TMED3: variants seen among roughly 807,000 people sequenced by gnomAD.
TMED3 encodes transmembrane p24 trafficking protein 3.
Under a neutral mutation model 15.0 loss-of-function variants are expected in TMED3, and 9 were observed. The ratio of observed to expected loss-of-function variants is 0.60; its 90% CI spans 0.36 to 1.04. TMED3 has a LOEUF of 1.04. TMED3 is among the 50% of genes least tolerant of loss of function. The probability of loss-of-function intolerance (pLI) is 0.01; values close to 1 mark genes in which losing one functional copy is unlikely to be tolerated. For missense variants in TMED3, 267 were observed against 278.9 expected (o/e 0.96, Z 0.30); for synonymous variants, 117 against 121.4 (o/e 0.96, Z 0.24).
intron 2 of TMED3, among the ~76,000 whole-genome samples, chr15:79,396,500 C>A (rs116782754): frequency 6.6e-5 from 10 of 152,352 alleles, no homozygotes; most frequent in African/African-American, 2.4e-4. Context: ...GTAGCCTGTC[C>A]ATGTGGCTTG....
At chr15:79,363,503 C>A (rs1312043673) in intron 2 of TMED3, among the ~76,000 whole-genome samples, 60 of 125,288 alleles carry the variant, frequency 4.8e-4, no homozygotes, top group Non-Finnish European at 6.1e-4. Context: ...TACAATGACT[C>A]AAAAAAAAAA....
At chr15:79,343,838 C>A (rs143783237) in intron 2 of TMED3, among the ~76,000 whole-genome samples, 521 of 152,246 alleles carry the variant, frequency 3.4e-3, no homozygotes, top group Middle Eastern at 6.8e-3. Context: ...ATGAGCCTGA[C>A]TGTGGGAAGG....
intron 2 of TMED3, among the ~76,000 whole-genome samples, chr15:79,329,830 C>T (rs1381885142): frequency 1.3e-5 from 2 of 152,206 alleles, no homozygotes; most frequent in African/African-American, 2.4e-5. Flanking sequence ...CTTGGTGTGA[C>T]ACATGTGGAC....
At chr15:79,369,396 T>A (rs1036189540) in intron 2 of TMED3, among the ~76,000 whole-genome samples, 1 of 152,222 alleles carries the variant, frequency 6.6e-6, no homozygotes, top group African/African-American at 2.4e-5. Context: ...GGCACCAAGC[T>A]AACATGCAGA....
chr15:79,380,352 CTA>C (rs200499386), intron 2 of TMED3, among the ~76,000 whole-genome samples: 3 of 146,422 alleles, frequency 2.0e-5, no homozygotes, highest in African/African-American at 5.0e-5. Flanking sequence ...TCTGTCTCAA[CTA>C]TATATATATA....
chr15:79,347,024 C>A (rs2058873818), intron 2 of TMED3, among the ~76,000 whole-genome samples: 1 of 152,104 alleles, frequency 6.6e-6, no homozygotes, highest in Non-Finnish European at 1.5e-5. Context: ...CTTCCTAATT[C>A]ATTCTGAGGC....
At chr15:79,360,763 C>G (rs904856812) in intron 2 of TMED3, among the ~76,000 whole-genome samples, 1 of 152,060 alleles carries the variant, frequency 6.6e-6, no homozygotes, top group South Asian at 2.1e-4. Flanking sequence ...TGCCATAAAA[C>G]GAAAAACAAT....
downstream of TMED3, among the ~76,000 whole-genome samples, chr15:79,327,835 G>A (rs2058792827): frequency 1.3e-5 from 2 of 152,164 alleles, no homozygotes; most frequent in South Asian, 4.1e-4. Flanking sequence ...TCATTTGAGG[G>A]ATGGTTCATT....
chr15:79,342,632 C>T (rs868184945), intron 2 of TMED3, among the ~76,000 whole-genome samples: 2 of 152,162 alleles, frequency 1.3e-5, no homozygotes, highest in Admixed American at 1.3e-4. Context: ...CACACAAACA[C>T]ACACATATAC....
chr15:79,382,336 A>G (rs1893550045), intron 2 of TMED3, among the ~76,000 whole-genome samples: 1 of 152,214 alleles, frequency 6.6e-6, no homozygotes, highest in African/African-American at 2.4e-5. Flanking sequence ...TAGGGAGGCT[A>G]TAAGCTGGCT....
chr15:79,383,202 T>C (rs896862984), intron 2 of TMED3: 41 of 610,210 alleles, frequency 6.7e-5, no homozygotes, highest in Admixed American at 1.1e-4. Flanking sequence ...AGTATAGTCA[T>C]TGATCTTCAG....
chr15:79,324,780 G>A (rs1321730926), downstream of TMED3, among the ~76,000 whole-genome samples: 1 of 152,182 alleles, frequency 6.6e-6, no homozygotes, highest in Non-Finnish European at 1.5e-5. Context: ...GCAGCATGGT[G>A]GAAAAGGGTG....
At chr15:79,393,739 A>G (rs1333525557) in intron 2 of TMED3, among the ~76,000 whole-genome samples, 3 of 152,242 alleles carry the variant, frequency 2.0e-5, no homozygotes, top group South Asian at 4.1e-4. Context: ...TATGTTGCCC[A>G]GGCTGGAGTG....
At chr15:79,312,180 T>C (rs1415483453) in intron 1 of TMED3, among the ~76,000 whole-genome samples, 2 of 152,130 alleles carry the variant, frequency 1.3e-5, no homozygotes, top group African/African-American at 2.4e-5. Flanking sequence ...CGCATGCTGA[T>C]AGGCACTTCA....
At chr15:79,377,269 C>CGTGT (rs1567035892) in intron 2 of TMED3, among the ~76,000 whole-genome samples, 1 of 77,350 alleles carries the variant, frequency 1.3e-5, no homozygotes, top group Non-Finnish European at 2.5e-5. Flanking sequence ...AGAGTGTGTG[C>CGTGT]ATGTGTGTGT....
intron 2 of TMED3, among the ~76,000 whole-genome samples, chr15:79,352,452 C>T (rs530691052): frequency 6.6e-6 from 1 of 151,942 alleles, no homozygotes; most frequent in Non-Finnish European, 1.5e-5. Context: ...CAATCCCAAA[C>T]AAGGATGTCA....
chr15:79,321,933 T>C (rs138911937), intron 2 of TMED3, 45 bp from the exon 3 acceptor site: 3 of 1,590,832 alleles, frequency 1.9e-6, no homozygotes, highest in African/African-American at 1.3e-5. Flanking sequence ...GATCCCACAT[T>C]TGTCTATGGG....
At chr15:79,400,846 T>A (rs1461480644) in intron 2 of TMED3, among the ~76,000 whole-genome samples, 1 of 152,250 alleles carries the variant, frequency 6.6e-6, no homozygotes, top group Non-Finnish European at 1.5e-5. Context: ...ACTGTCAGAA[T>A]GAATAATAAT....
intron 2 of TMED3, among the ~76,000 whole-genome samples, chr15:79,408,856 G>A (rs1272248267): frequency 6.6e-6 from 1 of 152,160 alleles, no homozygotes; most frequent in African/African-American, 2.4e-5. Flanking sequence ...CTTTCCCAGG[G>A]CAGAGAAGAA....
Sources: allele counts gnomAD v4.1 joint callset (sites outside exome capture counted in the v4.1 genomes callset), GRCh38; gene constraint gnomAD v4.1.1; transcripts MANE v1.5; gene names NCBI Gene and HGNC (gene_info 2026-07-23, HGNC 2026-07-21).